Variants in ELOVL6 observed in about 807,000 individuals in gnomAD.
The protein encoded by ELOVL6 is ELOVL fatty acid elongase 6.
In ELOVL6, 8 loss-of-function variants were observed where a neutral mutation model predicts 31.7. The observed-to-expected ratio is 0.25, with a 90% confidence interval of 0.15 to 0.45. ELOVL6 has a LOEUF of 0.45. Among genes scored for constraint, ELOVL6 ranks in the 20% least tolerant of loss-of-function variants. The pLI is 1.00. For missense variants in ELOVL6, 126 were observed against 326.4 expected (o/e 0.39, Z 4.73); for synonymous variants, 101 against 117.7 (o/e 0.86, Z 0.92).
intron 3 of ELOVL6, among the ~76,000 whole-genome samples, chr4:110,052,333 G>T (rs1356663476): frequency 6.6e-6 from 1 of 152,210 alleles, no homozygotes; most frequent in African/African-American, 2.4e-5. Context: ...ATCTTTGTGA[G>T]CTCCCTAAAT....
At chr4:110,076,740 A>G (rs1423933226) in intron 2 of ELOVL6, among the ~76,000 whole-genome samples, 2 of 152,140 alleles carry the variant, frequency 1.3e-5, no homozygotes, top group Admixed American at 6.5e-5. Flanking sequence ...AAGTGGGTGC[A>G]AGACAGTGGG....
At chr4:110,089,618 G>A (rs899411481) in intron 2 of ELOVL6, among the ~76,000 whole-genome samples, 7 of 152,176 alleles carry the variant, frequency 4.6e-5, no homozygotes, top group African/African-American at 1.7e-4. Context: ...GAGATAGCAT[G>A]CTATTTTTGA....
At chr4:110,067,604 C>T (rs192290791) in intron 2 of ELOVL6, among the ~76,000 whole-genome samples, 40 of 152,246 alleles carry the variant, frequency 2.6e-4, no homozygotes, top group Admixed American at 2.4e-3. Flanking sequence ...ACATGAAAAT[C>T]GGTAAATAAA....
At chr4:110,176,985 T>A (rs983619033) in intron 1 of ELOVL6, among the ~76,000 whole-genome samples, 1 of 152,234 alleles carries the variant, frequency 6.6e-6, no homozygotes, top group Non-Finnish European at 1.5e-5. Context: ...TCTGCCTGCC[T>A]CGGCCTCCCA....
intron 2 of ELOVL6, among the ~76,000 whole-genome samples, chr4:110,083,411 C>T (rs1280430148): frequency 6.6e-6 from 1 of 151,644 alleles, no homozygotes; most frequent in Non-Finnish European, 1.5e-5. Flanking sequence ...AGGGATAAAT[C>T]ACTAAGCACT....
chr4:110,084,377 ATATATATCG>A (rs1225888671), intron 2 of ELOVL6, among the ~76,000 whole-genome samples: 5 of 51,726 alleles, frequency 9.7e-5, no homozygotes, highest in African/African-American at 3.5e-4. Flanking sequence ...ATGATATATG[ATATATATCG>A]CATATATGAT....
Position 110,050,578 on chromosome 4 carries a change from G to C in ELOVL6, c.*760C>G, listed in dbSNP as rs1486394927. On this transcript the variant is annotated 3_prime_UTR_variant, in exon 4 of 4. Transcript: ENST00000302274. ...AGTAGAAATTACAGTTCAACTATCA[G>C]AAATGCTCTGGGATGGAGCTGCCCC... 6.6e-6 allele frequency: 1 copy of C among 152,414 alleles called. No individual in the cohort carries two copies. Among genetic ancestry groups the C allele is most frequent in the Non-Finnish European group, 1.5e-5 (1 of 68,050 alleles). The allele number at this position is 152,414 out of a possible 1,614,324, so 9.4% of individuals were successfully genotyped here.
intron 1 of ELOVL6, among the ~76,000 whole-genome samples, chr4:110,158,657 A>ATATATATATATATTTTTTTTTT: frequency 1.3e-5 from 1 of 74,162 alleles, no homozygotes; most frequent in Non-Finnish European, 2.3e-5. Context: ...ATATATATAT[A>ATATATATATATATTTTTTTTTT]TTTTTTTTTT....
chr4:110,177,639 A>G (rs1759148559), intron 1 of ELOVL6, among the ~76,000 whole-genome samples: 1 of 152,070 alleles, frequency 6.6e-6, no homozygotes, highest in Non-Finnish European at 1.5e-5. Flanking sequence ...TGTGACCATG[A>G]AGAAAAAACT....
chr4:110,113,376 C>G (rs944299482), intron 1 of ELOVL6, among the ~76,000 whole-genome samples: 1 of 151,548 alleles, frequency 6.6e-6, no homozygotes, highest in African/African-American at 2.4e-5. Flanking sequence ...CCCAGGAGTT[C>G]GAGACCAGCC....
chr4:110,053,679 C>T (rs1754894685), intron 3 of ELOVL6, among the ~76,000 whole-genome samples: 2 of 152,106 alleles, frequency 1.3e-5, no homozygotes, highest in South Asian at 2.1e-4. Flanking sequence ...GTGGCTCACA[C>T]CTGTAATTCC....
chr4:110,182,137 A>G (rs1759290887), intron 1 of ELOVL6, among the ~76,000 whole-genome samples: 1 of 152,168 alleles, frequency 6.6e-6, no homozygotes, highest in Admixed American at 6.5e-5. Flanking sequence ...TCCCTGGGGA[A>G]CCTTTGTCCC....
At chr4:110,077,854 G>A (rs935661206) in intron 2 of ELOVL6, among the ~76,000 whole-genome samples, 68 of 152,080 alleles carry the variant, frequency 4.5e-4, no homozygotes, top group Non-Finnish European at 8.2e-4. Flanking sequence ...AAAATTAGAC[G>A]AAAGGCTAAC....
chr4:110,197,023 C>A (rs1217413329), intron 1 of ELOVL6, among the ~76,000 whole-genome samples: 1 of 152,230 alleles, frequency 6.6e-6, no homozygotes, highest in African/African-American at 2.4e-5. Flanking sequence ...CCCGCCCAGG[C>A]CACAGGCGCG....
intron 2 of ELOVL6, among the ~76,000 whole-genome samples, chr4:110,090,992 G>A (rs1345840377): frequency 6.6e-6 from 1 of 152,114 alleles, no homozygotes; most frequent in Non-Finnish European, 1.5e-5. Context: ...AAATACAGAA[G>A]GTATTATAAA....
rs919160141 is a variant in ELOVL6 at position 110,048,471 on chromosome 4, T to C, written c.*2867A>G. On this transcript the variant is annotated 3_prime_UTR_variant, in exon 4 of 4. Transcript: ENST00000302274. The stretch of plus-strand genomic sequence containing the variant: ...TCGGGATGCAGTGGAAAATCTTCAA[T>C]AGAAAGATACTCTATTGCAGCATAG... 6.6e-6 allele frequency: 1 copy of C among 152,142 alleles called. No individual in the cohort carries two copies. The highest frequency in any genetic ancestry group is 2.4e-5 in the African/African-American group (1 of 41,434). The allele number at this position is 152,142 out of a possible 1,614,324, so 9.4% of individuals were successfully genotyped here.
At chr4:110,102,454 G>C (rs1383925897) in intron 2 of ELOVL6, among the ~76,000 whole-genome samples, 1 of 152,086 alleles carries the variant, frequency 6.6e-6, no homozygotes, top group East Asian at 1.9e-4. Flanking sequence ...AAGATTGTTT[G>C]TGACTAGCTA....
At chr4:110,191,685 T>C (rs1003918043) in intron 1 of ELOVL6, among the ~76,000 whole-genome samples, 2 of 152,138 alleles carry the variant, frequency 1.3e-5, no homozygotes, top group Non-Finnish European at 2.9e-5. Flanking sequence ...TACTTTGTTG[T>C]CTAAAGACTG....
intron 1 of ELOVL6, among the ~76,000 whole-genome samples, chr4:110,150,935 C>CAG (rs1758261210): frequency 6.6e-6 from 1 of 151,624 alleles, no homozygotes; most frequent in Non-Finnish European, 1.5e-5. Context: ...CCCAGCTACG[C>CAG]AGGAGGCTGA....
Sources: gnomAD v4.1 joint callset for allele counts (sites outside exome capture counted in the v4.1 genomes callset) on GRCh38, gnomAD v4.1.1 for gene constraint, MANE v1.5 for transcripts, NCBI Gene and HGNC (gene_info 2026-07-23, HGNC 2026-07-21) for gene names.